The following SASH1 variants were observed in gnomAD, a reference collection of about 807,000 sequenced individuals.
SASH1 encodes the protein SAM and SH3 domain containing 1.
In SASH1, 44 loss-of-function variants were observed where a neutral mutation model predicts 125.2. The observed-to-expected ratio is 0.35, with a 90% CI of 0.28 to 0.45. The LOEUF (loss-of-function observed/expected upper bound fraction) is 0.45. Among genes scored for constraint, SASH1 ranks in the 20% least tolerant of loss-of-function variants. The pLI, the probability that SASH1 is intolerant of heterozygous loss-of-function variation, is 1.00. For synonymous variants in SASH1, 639 were observed against 649.1 expected, an observed-to-expected ratio of 0.98 and a Z score of 0.24; for missense variants, 1,426 against 1,614.5, an observed-to-expected ratio of 0.88 and a Z score of 2.00.
chr6:148,296,258 TG>T (rs1039559090), intron 1 of SASH1, among the ~76,000 whole-genome samples: 1 of 152,110 alleles, frequency 6.6e-6, no homozygotes, highest in African/African-American at 2.4e-5. Context: ...CCCGAGTAGC[TG>T]GGATTACAGG....
rs1782876138 is a variant in SASH1 at position 148,551,482 on chromosome 6, T to C, written c.*2924T>C. Reference sequence around the variant, plus strand: ...TTTATGTACCCAGATAACTAAGATATTGTTTCATGGCCTTGCCTTAGTCAG... The same window carrying C: ...TTTATGTACCCAGATAACTAAGATACTGTTTCATGGCCTTGCCTTAGTCAG... On this transcript the variant is annotated 3_prime_UTR_variant, in exon 20 of 20. Coordinates refer to ENST00000367467, the MANE Select transcript of SASH1 (RefSeq NM_015278.5). 1 of 152,352 alleles carries C rather than the reference T, an allele frequency of 6.6e-6. No individual in the cohort carries two copies. Among genetic ancestry groups the C allele is most frequent in the South Asian group, 2.1e-4 (1 of 4,826 alleles). 9.4% of individuals were successfully genotyped at this position (152,352 alleles called of 1,614,324 possible).
At chr6:148,324,517 C>G (rs1780745519) in intron 1 of SASH1, among the ~76,000 whole-genome samples, 2 of 152,142 alleles carry the variant, frequency 1.3e-5, no homozygotes, top group African/African-American at 4.8e-5. Context: ...ATCACCCAGT[C>G]CTTCCAATTC....
intron 1 of SASH1, among the ~76,000 whole-genome samples, chr6:148,311,289 TAG>T (rs1208979147): frequency 1.3e-5 from 2 of 151,794 alleles, no homozygotes; most frequent in East Asian, 3.9e-4. Context: ...TTATTTTTAG[TAG>T]AGACAGGGTT....
At chr6:148,394,706 G>T (rs191439702) in intron 2 of SASH1, among the ~76,000 whole-genome samples, 1 of 151,836 alleles carries the variant, frequency 6.6e-6, no homozygotes, top group African/African-American at 2.4e-5. Flanking sequence ...GTGCATTGGC[G>T]CAATCTCAGC....
chr6:148,278,344 G>A (rs919117365), intron 1 of SASH1, among the ~76,000 whole-genome samples: 1 of 151,992 alleles, frequency 6.6e-6, no homozygotes, highest in South Asian at 2.1e-4. Context: ...GCCGGGAGAG[G>A]CTTATTAAAT....
chr6:148,524,778 C>T (rs188048230), intron 10 of SASH1: 1 of 153,142 alleles, frequency 6.5e-6, no homozygotes, highest in Admixed American at 6.5e-5. Flanking sequence ...TTCTCCCCCC[C>T]TCTTCTCAGC....
At chr6:148,540,904 CA>C (rs1337158969) in intron 17 of SASH1, among the ~76,000 whole-genome samples, 4 of 152,172 alleles carry the variant, frequency 2.6e-5, no homozygotes, top group Admixed American at 2.6e-4. Context: ...ATACCAGCAG[CA>C]GTGTCTTAAA....
chr6:148,514,548 G>GGGATAA, intron 9 of SASH1, 92 bp downstream of exon 9: 2 of 1,368,350 alleles, frequency 1.5e-6, no homozygotes. Flanking sequence ...CAGCAGAAAA[G>GGGATAA]GGATACGATT....
the SASH1 span, among the ~76,000 whole-genome samples, chr6:148,216,544 T>C: frequency 6.6e-6 from 1 of 152,002 alleles, no homozygotes; most frequent in Non-Finnish European, 1.5e-5. Context: ...GACATGTGGG[T>C]TCTAACTCCT....
At chr6:148,518,208 A>AC (rs1319055514) in intron 9 of SASH1, among the ~76,000 whole-genome samples, 1 of 151,814 alleles carries the variant, frequency 6.6e-6, no homozygotes, top group Non-Finnish European at 1.5e-5. Flanking sequence ...TTCTGTGAGA[A>AC]CCCCGAATCC....
At chr6:148,540,839 G>A (rs1244140149) in intron 17 of SASH1, among the ~76,000 whole-genome samples, 1 of 152,064 alleles carries the variant, frequency 6.6e-6, no homozygotes, top group Non-Finnish European at 1.5e-5. Context: ...GGAGTGTTGG[G>A]AGCTATTAGG....
chr6:148,233,072 G>A, the SASH1 span, among the ~76,000 whole-genome samples: 8 of 151,916 alleles, frequency 5.3e-5, no homozygotes, highest in South Asian at 2.1e-4. Flanking sequence ...ACAATTAGCC[G>A]GCGTGGTGGT....
chr6:148,226,736 A>G, the SASH1 span, among the ~76,000 whole-genome samples: 1 of 152,216 alleles, frequency 6.6e-6, no homozygotes, highest in African/African-American at 2.4e-5. Context: ...TATGTCACTC[A>G]GGACACCATC....
the SASH1 span, among the ~76,000 whole-genome samples, chr6:148,196,445 G>A: frequency 6.6e-6 from 1 of 152,212 alleles, no homozygotes; most frequent in East Asian, 1.9e-4. Flanking sequence ...AGGGCATGAT[G>A]GCCATGCATG....
At chr6:148,505,625 T>G (rs1210532620) in intron 8 of SASH1, among the ~76,000 whole-genome samples, 5 of 150,694 alleles carry the variant, frequency 3.3e-5, no homozygotes, top group African/African-American at 7.3e-5. Flanking sequence ...GTTGGGTTTT[T>G]TTGTTGTTGT....
intron 1 of SASH1, among the ~76,000 whole-genome samples, chr6:148,290,686 T>C (rs1779608299): frequency 1.3e-5 from 2 of 150,538 alleles, no homozygotes; most frequent in South Asian, 2.1e-4. Flanking sequence ...TTAAGAGTCA[T>C]CACCACTCCC....
chr6:148,450,536 C>T (rs1777046194), intron 4 of SASH1, among the ~76,000 whole-genome samples: 1 of 152,014 alleles, frequency 6.6e-6, no homozygotes, highest in Non-Finnish European at 1.5e-5. Flanking sequence ...ATCCTCTCCT[C>T]TCCTTGGACT....
chr6:148,247,655 A>G, the SASH1 span, among the ~76,000 whole-genome samples: 1 of 152,366 alleles, frequency 6.6e-6, no homozygotes, highest in East Asian at 1.9e-4. Flanking sequence ...CCTAAACCTT[A>G]TACAAGTTTG....
At chr6:148,379,644 T>C (rs1783054543) in intron 1 of SASH1, among the ~76,000 whole-genome samples, 1 of 152,220 alleles carries the variant, frequency 6.6e-6, no homozygotes, top group South Asian at 2.1e-4. Flanking sequence ...TTCATTCATT[T>C]GATAAGTATT....
Sources: allele counts gnomAD v4.1 joint callset (sites outside exome capture counted in the v4.1 genomes callset), GRCh38; gene constraint gnomAD v4.1.1; transcripts MANE v1.5; gene names NCBI Gene and HGNC (gene_info 2026-07-23, HGNC 2026-07-21).